KAZN: variants seen among roughly 807,000 people sequenced by gnomAD.
KAZN encodes kazrin, periplakin interacting protein, also known as kazrin.
A neutral mutation model predicts 87.4 loss-of-function variants in KAZN; 40 were observed. The observed-to-expected ratio is 0.46, with a 90% confidence interval of 0.36 to 0.60. KAZN has a LOEUF of 0.60. KAZN is among the 20% of genes least tolerant of loss of function. KAZN has a pLI of 0.00. For missense variants in KAZN, 898 were observed against 1,073.9 expected (o/e 0.84, Z 2.29); for synonymous variants, 466 against 458.3 (o/e 1.02, Z -0.22).
intron 1 of KAZN, among the ~76,000 whole-genome samples, chr1:14,031,979 C>A (rs1333900022): frequency 6.6e-6 from 1 of 152,138 alleles, no homozygotes; most frequent in African/African-American, 2.4e-5. Context: ...AAAATAATTC[C>A]CCAAATTGGT....
intron 2 of KAZN, among the ~76,000 whole-genome samples, chr1:14,196,119 C>G (rs1392682555): frequency 6.6e-6 from 1 of 152,094 alleles, no homozygotes; most frequent in Non-Finnish European, 1.5e-5. Context: ...GATGTCTCAA[C>G]TTTTTGAGGA....
chr1:14,067,096 T>C (rs941578367), intron 1 of KAZN, among the ~76,000 whole-genome samples: 1 of 152,086 alleles, frequency 6.6e-6, no homozygotes, highest in Non-Finnish European at 1.5e-5. Flanking sequence ...CTAGTATTCT[T>C]TATTTACCAA....
intron 1 of KAZN, among the ~76,000 whole-genome samples, chr1:14,164,908 T>C (rs867034907): frequency 7.9e-5 from 12 of 152,142 alleles, no homozygotes; most frequent in Non-Finnish European, 1.6e-4. Flanking sequence ...TCATTGTAAT[T>C]TGGGGGAGAA....
At chr1:14,166,474 G>T (rs1488060875) in intron 1 of KAZN, among the ~76,000 whole-genome samples, 1 of 152,170 alleles carries the variant, frequency 6.6e-6, no homozygotes, top group Non-Finnish European at 1.5e-5. Context: ...TCTATGAAAT[G>T]CGGGTGATCA....
chr1:14,655,644 T>C (rs1165474950), intron 1 of KAZN, among the ~76,000 whole-genome samples: 7 of 152,202 alleles, frequency 4.6e-5, no homozygotes, highest in African/African-American at 7.2e-5. Context: ...ACAATTTGCT[T>C]CTCTGCTGAT....
chr1:14,285,691 T>C (rs1653191681), intron 2 of KAZN, among the ~76,000 whole-genome samples: 2 of 152,322 alleles, frequency 1.3e-5, no homozygotes, highest in Non-Finnish European at 1.5e-5. Flanking sequence ...CCTTGCACTT[T>C]GTCCATTGCT....
chr1:14,090,716 G>T (rs1171185062), intron 1 of KAZN, among the ~76,000 whole-genome samples: 1 of 152,146 alleles, frequency 6.6e-6, no homozygotes. Flanking sequence ...ATTATTCCCA[G>T]TGCTGGGTAG....
intron 1 of KAZN, among the ~76,000 whole-genome samples, chr1:14,753,457 G>A (rs1052675444): frequency 3.9e-5 from 6 of 151,948 alleles, no homozygotes; most frequent in African/African-American, 1.5e-4. Flanking sequence ...TGGGTGCATT[G>A]GGCTCACACC....
intron 1 of KAZN, among the ~76,000 whole-genome samples, chr1:13,972,174 TAAG>T (rs1642159305): frequency 6.6e-6 from 1 of 152,148 alleles, no homozygotes; most frequent in East Asian, 1.9e-4. Context: ...TAATACAATT[TAAG>T]AAGAAAAAAG....
At chr1:14,444,101 T>C (rs1368066797) in intron 2 of KAZN, among the ~76,000 whole-genome samples, 2 of 152,174 alleles carry the variant, frequency 1.3e-5, no homozygotes, top group Non-Finnish European at 2.9e-5. Flanking sequence ...TTTTCTTTAA[T>C]AGACTTCAAA....
intron 8 of KAZN, among the ~76,000 whole-genome samples, chr1:15,078,969 T>G (rs1382460324): frequency 6.6e-6 from 1 of 152,180 alleles, no homozygotes; most frequent in Non-Finnish European, 1.5e-5. Context: ...CAATGCATAG[T>G]GAAAGCCGCT....
chr1:14,984,920 G>A (rs547429984), intron 2 of KAZN, among the ~76,000 whole-genome samples: 3 of 152,108 alleles, frequency 2.0e-5, no homozygotes, highest in African/African-American at 4.8e-5. Context: ...GGCAGATCAC[G>A]AGGTCAGGAG....
intron 1 of KAZN, among the ~76,000 whole-genome samples, chr1:14,615,625 CAAA>C (rs1198279999): frequency 3.4e-5 from 4 of 117,786 alleles, no homozygotes; most frequent in African/African-American, 3.1e-5. Flanking sequence ...GACTCCATCT[CAAA>C]AAAAAAAAAA....
At position 14,621,931 on chromosome 1, in the gene KAZN, G is replaced by A. The variant is rs78545602; in HGVS notation, c.226+22708G>A. On this transcript the variant is annotated intron_variant, in intron 1 of 14. Transcript: ENST00000376030. ...AACAGACTAATACAATGGGAAAGTTGCAAACCCTAAGAAACCTTACAAAGC... is the reference window on the plus strand; with the variant it reads ...AACAGACTAATACAATGGGAAAGTTACAAACCCTAAGAAACCTTACAAAGC... 8.3e-4 allele frequency among the ~76,000 whole-genome samples: 127 copies of A among 152,284 alleles called. 1 individual carries two copies. Among genetic ancestry groups the A allele is most frequent in the African/African-American group, 2.4e-3 (100 of 41,568 alleles).
rs142279548 is a variant in KAZN at position 14,102,543 on chromosome 1, C to T, written c.92-77892C>T. On this transcript the variant is annotated intron_variant, in intron 1 of 16. Transcript: ENST00000636203. ...TTTGTAAACTGCTGCTGGCTTCCTC[C>T]GTCCAATGGCCATGGTGTTCACTCA... Among the ~76,000 whole-genome samples, 324 of 152,164 alleles carry T rather than the reference C, an allele frequency of 2.1e-3. 1 individual carries two copies. Among genetic ancestry groups the T allele is most frequent in the African/African-American group, 5.7e-3 (238 of 41,464 alleles).
rs148028361 is a variant in KAZN at position 14,944,668 on chromosome 1, C to T, written c.227-16016C>T. Among the ~76,000 whole-genome samples, 5 of 152,338 alleles carry T rather than the reference C, an allele frequency of 3.3e-5. No individual in the cohort carries two copies. In the East Asian group the frequency reaches 9.7e-4, roughly 29 times the overall value. Reference sequence around the variant, plus strand: ...AGACTCCTATGTGACCCAGCTGAGTCATGGTGCTGTTCCCGGGGCCTTGGG... The same window carrying T: ...AGACTCCTATGTGACCCAGCTGAGTTATGGTGCTGTTCCCGGGGCCTTGGG... On this transcript the variant is annotated intron_variant, in intron 1 of 14. Coordinates refer to ENST00000376030, the MANE Select transcript of KAZN (RefSeq NM_201628.3).
intron 4 of KAZN, among the ~76,000 whole-genome samples, chr1:15,045,773 G>C (rs2100359939): frequency 6.6e-6 from 1 of 152,338 alleles, no homozygotes; most frequent in East Asian, 1.9e-4. Flanking sequence ...GCAGGAGGGA[G>C]AATGAATGCA....
intron 2 of KAZN, among the ~76,000 whole-genome samples, chr1:15,007,055 T>TG (rs1669086910): frequency 5.1e-5 from 2 of 38,900 alleles, no homozygotes; most frequent in African/African-American, 4.1e-4. Context: ...AGACTCCGTC[T>TG]CAAAAAAAAA....
intron 2 of KAZN, among the ~76,000 whole-genome samples, chr1:14,552,906 G>T (rs1042614160): frequency 1.3e-5 from 2 of 152,134 alleles, no homozygotes; most frequent in Non-Finnish European, 2.9e-5. Context: ...AGACAATAAG[G>T]CTGGTGGGGA....
Sources: gnomAD v4.1 joint callset for allele counts (sites outside exome capture counted in the v4.1 genomes callset) on GRCh38, gnomAD v4.1.1 for gene constraint, MANE v1.5 for transcripts, NCBI Gene and HGNC (gene_info 2026-07-23, HGNC 2026-07-21) for gene names.